CMTM8: variants seen among roughly 807,000 people sequenced by gnomAD.
CMTM8 encodes CKLF like MARVEL transmembrane domain containing 8, also known as CKLF-like MARVEL transmembrane domain-containing protein 8.
CMTM8 carries 12 observed loss-of-function variants against 18.6 expected under a neutral mutation model. The observed-to-expected ratio is 0.65, with a 90% confidence interval of 0.41 to 1.05. The LOEUF (loss-of-function observed/expected upper bound fraction) is 1.05. CMTM8 is among the 50% of genes least tolerant of loss of function. The probability of loss-of-function intolerance (pLI) is 0.00; values close to 1 mark genes in which losing one functional copy is unlikely to be tolerated. For missense variants in CMTM8, 217 were observed against 227.2 expected (o/e 0.95, Z 0.29); for synonymous variants, 87 against 90.6 (o/e 0.96, Z 0.23).
chr3:32,259,382 C>T lies in CMTM8; in HGVS notation c.147+20263C>T, dbSNP rs1408382971. ...CTTCTCAAATACTGTGGACAATGCCCGCATTGTTCTGCAGATTGACAATGC... is the reference window on the plus strand; with the variant it reads ...CTTCTCAAATACTGTGGACAATGCCTGCATTGTTCTGCAGATTGACAATGC... On this transcript the variant is annotated intron_variant, in intron 1 of 3. Transcript: ENST00000307526. The T allele has an allele frequency of 6.5e-5, 55 of 847,824 alleles. No individual in the cohort carries two copies. The Middle Eastern group carries it at 1.2e-3, about 18-fold the overall frequency. The allele number at this position is 847,824 out of a possible 1,614,324, so 52.5% of individuals were successfully genotyped here.
intron 1 of CMTM8, among the ~76,000 whole-genome samples, chr3:32,251,460 C>T (rs567856430): frequency 6.7e-6 from 1 of 150,264 alleles, no homozygotes; most frequent in Admixed American, 6.7e-5. Context: ...ACTACAGACA[C>T]ATGCCACCAC....
intron 1 of CMTM8, among the ~76,000 whole-genome samples, chr3:32,332,423 C>T (rs1696298033): frequency 6.6e-6 from 1 of 151,774 alleles, no homozygotes; most frequent in African/African-American, 2.4e-5. Flanking sequence ...CAAGCAAAAT[C>T]ACAGTGGGTT....
rs1696722784 is a variant in CMTM8, at chr3:32,352,185, ACAC to A, written c.148-5187_148-5185del. ...GGAGTGAGACTGTCTGAAAAAAAAC[ACAC>A]ACACACACACACTCACAAAAAAAAA... On this transcript the variant is annotated intron_variant, in intron 1 of 3. Coordinates refer to ENST00000307526, the MANE Select transcript of CMTM8 (RefSeq NM_178868.5). 6.7e-5 allele frequency among the ~76,000 whole-genome samples: 8 copies of A among 120,054 alleles called. No homozygotes were observed. The South Asian group carries it at 8.7e-4, about 13-fold the overall frequency. The allele number at this position is 120,054 out of a possible 152,430, so 78.8% of individuals were successfully genotyped here.
At chr3:32,268,015 C>G (rs1025599648) in intron 1 of CMTM8, among the ~76,000 whole-genome samples, 8 of 152,148 alleles carry the variant, frequency 5.3e-5, no homozygotes, top group Admixed American at 4.6e-4. Flanking sequence ...ACTAGTTCAA[C>G]CATTGCAGAA....
chr3:32,239,179 G>T (rs1701912374), intron 1 of CMTM8, 60 bp downstream of exon 1: 1 of 1,535,094 alleles, frequency 6.5e-7, no homozygotes, highest in Non-Finnish European at 8.8e-7. Context: ...GCGTGCTTCC[G>T]CCGTGCTTCT....
intron 1 of CMTM8, among the ~76,000 whole-genome samples, chr3:32,348,528 A>ATTTTTTTTTTTTTTTTTT (rs1696644905): frequency 6.2e-5 from 1 of 16,244 alleles, no homozygotes; most frequent in Non-Finnish European, 1.7e-4. Context: ...TCTTCCTGGA[A>ATTTTTTTTTTTTTTTTTT]CTTTTTTTTT....
At chr3:32,316,915 C>T (rs886817820) in intron 1 of CMTM8, among the ~76,000 whole-genome samples, 1 of 152,148 alleles carries the variant, frequency 6.6e-6, no homozygotes, top group Non-Finnish European at 1.5e-5. Context: ...GTTGTTTTTG[C>T]ATATAATTTA....
At chr3:32,259,517 G>T (rs1408041192) in intron 1 of CMTM8, 2 of 783,278 alleles carry the variant, frequency 2.6e-6, no homozygotes, top group Non-Finnish European at 4.6e-6. Flanking sequence ...TGACACCAAT[G>T]TCACTCGGCT....
intron 1 of CMTM8, among the ~76,000 whole-genome samples, chr3:32,344,062 A>C (rs1696550632): frequency 6.6e-6 from 1 of 152,254 alleles, no homozygotes; most frequent in Non-Finnish European, 1.5e-5. Context: ...AATGTACACC[A>C]GAAGTAGAAC....
intron 1 of CMTM8, among the ~76,000 whole-genome samples, chr3:32,316,456 A>G (rs1371953469): frequency 8.5e-5 from 13 of 152,236 alleles, no homozygotes; most frequent in Non-Finnish European, 1.8e-4. Context: ...GTGTTTACAC[A>G]TTGTGTCCTG....
At chr3:32,251,779 AT>A (rs201903410) in intron 1 of CMTM8, among the ~76,000 whole-genome samples, 6,923 of 146,096 alleles carry the variant, frequency 0.047, 459 homozygotes, top group East Asian at 0.32. Flanking sequence ...ATATAGGGGA[AT>A]TTTTTTTTTT....
chr3:32,309,929 G>C (rs1046449594), intron 1 of CMTM8, among the ~76,000 whole-genome samples: 1 of 152,210 alleles, frequency 6.6e-6, no homozygotes, highest in African/African-American at 2.4e-5. Flanking sequence ...TCAGATGACT[G>C]AGTTCAGTCA....
chr3:32,271,178 G>A (rs1405196008), intron 1 of CMTM8, among the ~76,000 whole-genome samples: 1 of 152,194 alleles, frequency 6.6e-6, no homozygotes, highest in Non-Finnish European at 1.5e-5. Flanking sequence ...CCAGGCTGGA[G>A]TGCAATGGCG....
chr3:32,263,872 A>C (rs576092840), intron 1 of CMTM8, among the ~76,000 whole-genome samples: 11 of 152,330 alleles, frequency 7.2e-5, no homozygotes, highest in Middle Eastern at 6.8e-3. Context: ...CAAATGAATG[A>C]AATAAAGCGA....
intron 1 of CMTM8, among the ~76,000 whole-genome samples, chr3:32,308,583 T>C (rs1385758597): frequency 2.6e-5 from 4 of 152,174 alleles, no homozygotes; most frequent in Non-Finnish European, 5.9e-5. Context: ...ACTTCACCTC[T>C]CTGTGTCTCA....
rs981956350 is a variant in CMTM8 at position 32,238,715 on chromosome 3, C to T, written c.-258C>T. 3.8e-4 allele frequency: 88 copies of T among 231,660 alleles called. No homozygotes were observed. The highest frequency in any genetic ancestry group is 5.8e-4 in the Non-Finnish European group (70 of 120,614). 14.4% of individuals were successfully genotyped at this position (231,660 alleles called of 1,614,324 possible). ...CCTTCCCCGGCTGCCCGGCAGCCTC[C>T]CCTCGCTCGCTCTCCTCTTCCTCTA... On this transcript the variant is annotated 5_prime_UTR_variant, in exon 1 of 4. Transcript: ENST00000307526.
At chr3:32,330,217 T>TTTTG (rs1491284724) in intron 1 of CMTM8, among the ~76,000 whole-genome samples, 2 of 86,474 alleles carry the variant, frequency 2.3e-5, no homozygotes, top group African/African-American at 8.4e-5. Flanking sequence ...TTTTTTTTTT[T>TTTTG]GCAGAAATAG....
rs1206855049 is a variant in CMTM8, at chr3:32,319,057, C to CATACATACATATATATATATAT, written c.148-38313_148-38312insCATACATATATATATATATATA. On this transcript the variant is annotated intron_variant, in intron 1 of 3. Coordinates refer to ENST00000307526, the MANE Select transcript of CMTM8 (RefSeq NM_178868.5). ...AAATTTATATATATGTGTGTATATA[C>CATACATACATATATATATATAT]ATATATATATATATATATTTTTTTT... is the stretch of plus-strand genomic sequence containing the variant. 1.0e-3 allele frequency among the ~76,000 whole-genome samples: 47 copies of CATACATACATATATATATATAT among 45,878 alleles called. 3 individuals are homozygous for CATACATACATATATATATATAT. Among genetic ancestry groups the CATACATACATATATATATATAT allele is most frequent in the African/African-American group, 4.5e-3 (46 of 10,170 alleles). The allele number at this position is 45,878 out of a possible 152,430, so 30.1% of individuals were successfully genotyped here.
At chr3:32,367,371 G>A (rs902746114) in intron 2 of CMTM8, among the ~76,000 whole-genome samples, 29 of 152,216 alleles carry the variant, frequency 1.9e-4, no homozygotes, top group Non-Finnish European at 4.0e-4. Context: ...TTGCAGCTAG[G>A]ACAGAGGAGC....
Sources: allele counts gnomAD v4.1 joint callset (sites outside exome capture counted in the v4.1 genomes callset), GRCh38; gene constraint gnomAD v4.1.1; transcripts MANE v1.5; gene names NCBI Gene and HGNC (gene_info 2026-07-23, HGNC 2026-07-21).